The following LRIG2 variants were observed in gnomAD, a reference collection of about 807,000 sequenced individuals.
The protein encoded by LRIG2 is leucine rich repeats and immunoglobulin like domains 2.
Under a neutral mutation model 107.8 loss-of-function variants are expected in LRIG2, and 93 were observed. That is an observed-to-expected ratio of 0.86 (90% CI 0.73 to 1.03). The LOEUF (loss-of-function observed/expected upper bound fraction) is 1.03. Ranked by LOEUF, LRIG2 falls within the 50% of genes least tolerant of loss-of-function variation. LRIG2 has a pLI of 0.00. For synonymous variants in LRIG2, 471 were observed against 470.6 expected, an observed-to-expected ratio of 1.00 and a Z score of -0.01; for missense variants, 1,226 against 1,296.0, an observed-to-expected ratio of 0.95 and a Z score of 0.83.
intron 12 of LRIG2, among the ~76,000 whole-genome samples, chr1:113,109,428 A>C (rs1654676863): frequency 6.6e-6 from 1 of 152,252 alleles, no homozygotes; most frequent in Non-Finnish European, 1.5e-5. Context: ...AATGCTTTCA[A>C]ATAATTTGTT....
At chr1:113,076,173 T>G (rs1282385293) in intron 1 of LRIG2, among the ~76,000 whole-genome samples, 1 of 151,456 alleles carries the variant, frequency 6.6e-6, no homozygotes, top group African/African-American at 2.4e-5. Context: ...GCCCACCTAA[T>G]TTTTGTATTT....
At chr1:113,108,184 G>GACAAGTTGTCCTGATTCTAGCACTT (rs1321189001) in intron 12 of LRIG2, among the ~76,000 whole-genome samples, 1 of 151,360 alleles carries the variant, frequency 6.6e-6, no homozygotes, top group African/African-American at 2.4e-5. Flanking sequence ...GATAGTCATA[G>GACAAGTTGTCCTGATTCTAGCACTT]ACAAGTTGTC....
intron 15 of LRIG2, 117 bp from the exon 16 acceptor site, chr1:113,116,170 T>C (rs547391598): frequency 7.0e-6 from 5 of 715,644 alleles, no homozygotes; most frequent in Non-Finnish European, 1.1e-5. Context: ...GTTGCGGTCC[T>C]AGGTACGTAC....
At chr1:113,080,683 C>T (rs976933663) in intron 1 of LRIG2, among the ~76,000 whole-genome samples, 1 of 151,984 alleles carries the variant, frequency 6.6e-6, no homozygotes, top group African/African-American at 2.4e-5. Flanking sequence ...CGGCCTGCTT[C>T]TGGTCTTTTA....
intron 9 of LRIG2, 131 bp downstream of exon 9, chr1:113,098,916 G>C (rs1200204393): frequency 1.9e-5 from 12 of 619,134 alleles, no homozygotes; most frequent in Non-Finnish European, 3.4e-5. Flanking sequence ...AGCTCTGTGG[G>C]GTTTCTTTGT....
intron 1 of LRIG2, among the ~76,000 whole-genome samples, chr1:113,085,596 C>A (rs772887207): frequency 2.6e-5 from 4 of 152,102 alleles, no homozygotes; most frequent in Non-Finnish European, 5.9e-5. Context: ...TCCTGAAGAT[C>A]TTTACCTAAT....
chr1:113,123,917 G>A lies in LRIG2; in HGVS notation c.3014G>A (p.Gly1005Asp), dbSNP rs759022491. 1.2e-6 allele frequency: 2 copies of A among 1,614,076 alleles called. No individual in the cohort carries two copies. The highest frequency in any genetic ancestry group is 2.2e-5 in the South Asian group (2 of 91,070). The change falls in exon 18 of 18, where the codon GGC (glycine) becomes GAC (aspartate). Residue 1005 changes from glycine to aspartate, a missense_variant. By Grantham distance (94) the Gly-to-Asp change is moderately conservative. Transcript: ENST00000361127. ...GTGTGGAACATAAACAGAGAACTAG[G>A]CCTGCCTCATCCTCCTTTTTCCCAG... ...RPVWNINRELGLPHPPFSQQP... is the reference protein window; with the variant it reads ...RPVWNINRELDLPHPPFSQQP...
intron 16 of LRIG2, among the ~76,000 whole-genome samples, chr1:113,117,918 T>G (rs1655086143): frequency 6.7e-6 from 1 of 150,008 alleles, no homozygotes; most frequent in South Asian, 2.1e-4. Flanking sequence ...TTTTTTTTTG[T>G]TTGTTTTTTG....
rs1420031276 is a variant in LRIG2 at position 113,130,371 on chromosome 1, T to C, written c.*6270T>C. ...CAAGCAATTTAGATTCTGTTACCCA[T>C]TTCCCTATGAAAAGAGATGTGTTAA... On this transcript the variant is annotated 3_prime_UTR_variant, in exon 18 of 18. Transcript: ENST00000361127. 6.6e-6 allele frequency: 1 copy of C among 152,216 alleles called. No homozygotes were observed. The highest frequency in any genetic ancestry group is 1.5e-5 in the Non-Finnish European group (1 of 68,034). 9.4% of individuals were successfully genotyped at this position (152,216 alleles called of 1,614,324 possible). A position where few individuals can be genotyped will look rare whatever the true frequency, so the allele number is the denominator to read the frequency against.
At chr1:113,090,913 G>A (rs1177057097) in intron 1 of LRIG2, among the ~76,000 whole-genome samples, 17 of 151,150 alleles carry the variant, frequency 1.1e-4, no homozygotes, top group Admixed American at 6.6e-4. Flanking sequence ...GTACAGTGAC[G>A]TGAACTTGGC....
intron 11 of LRIG2, among the ~76,000 whole-genome samples, chr1:113,106,670 A>C (rs138729366): frequency 0.012 from 1,755 of 152,062 alleles, 39 homozygotes; most frequent in African/African-American, 0.039. Context: ...ACGCCCAGCT[A>C]ATTTTTGTAT....
intron 17 of LRIG2, among the ~76,000 whole-genome samples, chr1:113,121,034 T>G (rs1655231032): frequency 6.6e-6 from 1 of 151,806 alleles, no homozygotes. Flanking sequence ...TCCAGGCTGG[T>G]CTCGAACTGC....
chr1:113,090,566 G>T (rs1653759311), intron 1 of LRIG2, among the ~76,000 whole-genome samples: 1 of 151,114 alleles, frequency 6.6e-6, no homozygotes. Context: ...GGCTGGGTGT[G>T]GTGTCTCACG....
At position 113,094,357 on chromosome 1, in the gene LRIG2, A is replaced by T. The variant is rs768263768; in HGVS notation, c.534A>T (p.Arg178Ser). ...QLKYLNLSNN[R>S]ITTLEAGCFD... The stretch of plus-strand genomic sequence containing the variant: ...ATTTTAGGAATTTAAGTAATAACAG[A>T]ATAACCACCTTGGAGGCTGGTTGCT... The change falls in exon 5 of 18, where the codon AGA becomes AGT. Residue 178 changes from arginine (R) to serine (S), a missense_variant. Coordinates refer to ENST00000361127, the MANE Select transcript of LRIG2 (RefSeq NM_014813.3). 6.2e-7 allele frequency: 1 copy of T among 1,607,004 alleles called. No individual in the cohort carries two copies. The highest frequency in any genetic ancestry group is 8.5e-7 in the Non-Finnish European group (1 of 1,178,164).
intron 9 of LRIG2, among the ~76,000 whole-genome samples, chr1:113,099,562 TTTG>T (rs1405661180): frequency 1.3e-5 from 2 of 152,092 alleles, no homozygotes; most frequent in Admixed American, 6.6e-5. Context: ...TTTGTGTTTT[TTTG>T]TTGTTGTTGT....
chr1:113,091,252 T>C, intron 1 of LRIG2, 66 bp from the exon 2 acceptor site: 1 of 1,078,042 alleles, frequency 9.3e-7, no homozygotes, highest in Non-Finnish European at 1.4e-6. Flanking sequence ...TCTATTTAGT[T>C]TCTTTTTTTT....
At chr1:113,105,903 T>C (rs1007837899) in intron 11 of LRIG2, among the ~76,000 whole-genome samples, 4 of 152,204 alleles carry the variant, frequency 2.6e-5, no homozygotes, top group African/African-American at 9.7e-5. Context: ...CTTTGAACAG[T>C]TGAACAATGT....
rs1652801209 is a variant in LRIG2 at position 113,073,519 on chromosome 1, C to G, written c.113C>G (p.Ala38Gly). The G allele has an allele frequency of 6.2e-7, 1 of 1,614,084 alleles. No homozygotes were observed. The highest frequency in any genetic ancestry group is 8.5e-7 in the Non-Finnish European group (1 of 1,180,032). Residue 38 changes from alanine to glycine, a missense_variant, in exon 1 of 18, where the codon GCC (alanine) becomes GGC (glycine). By Grantham distance (60) the Ala-to-Gly change is moderately conservative. Coordinates refer to ENST00000361127, the MANE Select transcript of LRIG2 (RefSeq NM_014813.3). ...AQTALLLLPA[A>G]GAGLCPAPCS... ...ACCGCTCTCCTCCTGTTGCCCGCCGCCGGAGCAGGTCTCTGCCCCGCGCCC... is the reference window on the plus strand; with the variant it reads ...ACCGCTCTCCTCCTGTTGCCCGCCGGCGGAGCAGGTCTCTGCCCCGCGCCC...
chr1:113,086,000 G>GTTTT (rs34131524), intron 1 of LRIG2, among the ~76,000 whole-genome samples: 17 of 65,000 alleles, frequency 2.6e-4, no homozygotes, highest in African/African-American at 4.1e-4. Context: ...TAACCCTGAG[G>GTTTT]TTTTTTTTTT....
Sources: gnomAD v4.1 joint callset for allele counts (sites outside exome capture counted in the v4.1 genomes callset) on GRCh38, gnomAD v4.1.1 for gene constraint, MANE v1.5 for transcripts, NCBI Gene and HGNC (gene_info 2026-07-23, HGNC 2026-07-21) for gene names.